The following RNF6 variants were observed in gnomAD, a reference collection of about 807,000 sequenced individuals.
RNF6 encodes ring finger protein 6.
Under a neutral mutation model 50.1 loss-of-function variants are expected in RNF6, and 21 were observed. The observed-to-expected ratio is 0.42, with a 90% CI of 0.30 to 0.60. RNF6 has a LOEUF of 0.60. Among genes scored for constraint, RNF6 ranks in the 20% least tolerant of loss-of-function variants. The pLI is 0.20. For missense variants in RNF6, 698 were observed against 838.2 expected (o/e 0.83, Z 2.07); for synonymous variants, 255 against 291.8 (o/e 0.87, Z 1.29).
chr13:26,164,859 G>A (rs1173530867), intron 5 of RNF6, among the ~76,000 whole-genome samples: 1 of 152,126 alleles, frequency 6.6e-6, no homozygotes, highest in Non-Finnish European at 1.5e-5. Flanking sequence ...CAGAAGCAGA[G>A]CATAAAAGTT....
chr13:26,162,693 TCTA>T (rs1475257325), intron 5 of RNF6, among the ~76,000 whole-genome samples: 7 of 152,252 alleles, frequency 4.6e-5, no homozygotes, highest in African/African-American at 1.4e-4. Flanking sequence ...GTCTTAGAAT[TCTA>T]CTATTTTGGC....
chr13:26,152,968 C>A (rs575192337), intron 5 of RNF6, among the ~76,000 whole-genome samples: 1 of 152,084 alleles, frequency 6.6e-6, no homozygotes, highest in African/African-American at 2.4e-5. Flanking sequence ...GCCTGACCAA[C>A]ATGGCAAAAC....
At position 26,214,193 on chromosome 13, in the gene RNF6, ACT is replaced by A; in HGVS notation, c.1687_1688del (p.Ser563Ter). 6.2e-7 allele frequency: 1 copy of A among 1,614,068 alleles called. No individual in the cohort carries two copies. The highest frequency in any genetic ancestry group is 8.5e-7 in the Non-Finnish European group (1 of 1,180,010). On this transcript the variant is annotated frameshift_variant, in exon 5 of 5. Transcript: ENST00000381588. LOFTEE classifies it high-confidence loss of function. ...GCAACTGCCTGCCACCCCTACTGTC[ACT>A]GTTTCGAGTATGAGGCTGGGTGGTC... is the stretch of plus-strand genomic sequence containing the variant. ...NETTQPHTRN[S>X]DSRGGRQLRN...
chr13:26,174,044 G>T (rs1370232650), intron 5 of RNF6, among the ~76,000 whole-genome samples: 3 of 151,920 alleles, frequency 2.0e-5, no homozygotes, highest in Admixed American at 6.5e-5. Context: ...ATGAGTGTTT[G>T]TTGAATTCCA....
At chr13:26,154,836 C>G (rs1317953447) in intron 5 of RNF6, among the ~76,000 whole-genome samples, 4 of 152,040 alleles carry the variant, frequency 2.6e-5, no homozygotes, top group Non-Finnish European at 5.9e-5. Context: ...TTGAGACCAG[C>G]CTGGCCAACA....
intron 5 of RNF6, among the ~76,000 whole-genome samples, chr13:26,192,284 T>C (rs1226006342): frequency 6.6e-6 from 1 of 152,196 alleles, no homozygotes; most frequent in African/African-American, 2.4e-5. Flanking sequence ...GAACAATGGC[T>C]AGGAACAGAG....
chr13:26,159,514 A>G (rs1033375632), intron 5 of RNF6, among the ~76,000 whole-genome samples: 18 of 151,970 alleles, frequency 1.2e-4, no homozygotes, highest in African/African-American at 4.4e-4. Context: ...AGTCCCAGCT[A>G]CTCGGGAGGC....
At chr13:26,202,336 T>G (rs1219214812) in intron 5 of RNF6, among the ~76,000 whole-genome samples, 1 of 152,220 alleles carries the variant, frequency 6.6e-6, no homozygotes, top group Admixed American at 6.5e-5. Context: ...TCTTAGCATT[T>G]CCAAGGGGGT....
chr13:26,179,728 G>A (rs111727886), intron 5 of RNF6, among the ~76,000 whole-genome samples: 4 of 152,234 alleles, frequency 2.6e-5, no homozygotes, highest in African/African-American at 9.6e-5. Context: ...CACACCCAGC[G>A]ACCTCCTTGG....
At chr13:26,171,925 T>C (rs1872713264) in intron 5 of RNF6, among the ~76,000 whole-genome samples, 1 of 152,232 alleles carries the variant, frequency 6.6e-6, no homozygotes, top group Admixed American at 6.5e-5. Flanking sequence ...GAAGAGTTAC[T>C]GTTTAATGGG....
chr13:26,164,549 AAT>A (rs1251764873), intron 5 of RNF6, among the ~76,000 whole-genome samples: 1 of 152,150 alleles, frequency 6.6e-6, no homozygotes, highest in Non-Finnish European at 1.5e-5. Flanking sequence ...GGTCTTTAAA[AAT>A]AGTCTTTTTT....
intron 5 of RNF6, among the ~76,000 whole-genome samples, chr13:26,157,879 A>G (rs1272157587): frequency 1.4e-5 from 2 of 144,508 alleles, no homozygotes; most frequent in East Asian, 3.9e-4. Context: ...TAAAGAGAAA[A>G]AGAGATGGAT....
chr13:26,181,729 A>T (rs902068099), intron 5 of RNF6, among the ~76,000 whole-genome samples: 6 of 152,156 alleles, frequency 3.9e-5, no homozygotes, highest in African/African-American at 1.4e-4. Flanking sequence ...ATGCAGATAA[A>T]ATGCTCCAAT....
intron 5 of RNF6, among the ~76,000 whole-genome samples, chr13:26,166,787 G>A (rs945926800): frequency 2.6e-5 from 4 of 152,120 alleles, no homozygotes; most frequent in Admixed American, 2.6e-4. Context: ...AGGCATGGTG[G>A]TGCGTGCCTG....
At chr13:26,148,128 G>A (rs1045942901) in intron 5 of RNF6, among the ~76,000 whole-genome samples, 2 of 152,074 alleles carry the variant, frequency 1.3e-5, no homozygotes, top group African/African-American at 2.4e-5. Context: ...TCTTCACAAG[G>A]GGGCAGGAAA....
In RNF6 at chr13:26,151,175, T is replaced by C. The variant is rs552467194; in HGVS notation, n.769-18724A>G. 2.2e-4 allele frequency among the ~76,000 whole-genome samples: 34 copies of C among 152,352 alleles called. No individual in the cohort carries two copies. In the South Asian group the frequency reaches 6.6e-3, roughly 30 times the overall value. ...ATACGTTGCCTTCCTTGTAGGATACTTTTATTACATCTTGAAAGGATATTT... is the reference window on the plus strand; with the variant it reads ...ATACGTTGCCTTCCTTGTAGGATACCTTTATTACATCTTGAAAGGATATTT... On this transcript the variant is annotated intron_variant and non_coding_transcript_variant, in intron 5 of 5. Coordinates refer to the RNF6 transcript ENST00000468480.
At chr13:26,192,410 A>T (rs1446392909) in intron 5 of RNF6, among the ~76,000 whole-genome samples, 1 of 152,192 alleles carries the variant, frequency 6.6e-6, no homozygotes, top group African/African-American at 2.4e-5. Flanking sequence ...GTCAAGGATG[A>T]TGTGGCTGGA....
chr13:26,204,977 A>G (rs552225280), intron 5 of RNF6, among the ~76,000 whole-genome samples: 46 of 152,328 alleles, frequency 3.0e-4, no homozygotes, highest in African/African-American at 1.1e-3. Context: ...TCTGCAGACC[A>G]TAAGCTGCAG....
chr13:26,163,175 G>A (rs1407469486), intron 5 of RNF6, among the ~76,000 whole-genome samples: 2 of 152,136 alleles, frequency 1.3e-5, no homozygotes, highest in African/African-American at 4.8e-5. Context: ...AGCCGGGCGC[G>A]GTGGCGGGTG....
Sources: gnomAD v4.1 joint callset for allele counts (sites outside exome capture counted in the v4.1 genomes callset) on GRCh38, gnomAD v4.1.1 for gene constraint, MANE v1.5 for transcripts, NCBI Gene and HGNC (gene_info 2026-07-23, HGNC 2026-07-21) for gene names.